The following CASK variants were observed in gnomAD, a reference collection of about 807,000 sequenced individuals.
CASK encodes calcium/calmodulin dependent serine protein kinase.
In CASK, 4 loss-of-function variants were observed where a neutral mutation model predicts 82.9. That is an observed-to-expected ratio of 0.05 (90% CI 0.02 to 0.11). The LOEUF is 0.11. CASK is among the 10% of genes least tolerant of loss of function. The pLI, the probability that CASK is intolerant of heterozygous loss-of-function variation, is 1.00. For missense variants in CASK, 358 were observed against 720.9 expected (o/e 0.50, Z 5.76); for synonymous variants, 259 against 253.5 (o/e 1.02, Z -0.20).
rs143478376 is a variant in CASK, at chrX:41,851,137, T to G, written c.172+1978A>C. 1.6e-3 allele frequency among the ~76,000 whole-genome samples: 182 copies of G among 112,007 alleles called. 1 individual carries two copies. Among genetic ancestry groups the G allele is most frequent in the African/African-American group, 5.6e-3 (174 of 30,879 alleles). On this transcript the variant is annotated intron_variant, in intron 2 of 26. Coordinates refer to ENST00000378163, the MANE Select transcript of CASK (RefSeq NM_001367721.1). The stretch of plus-strand genomic sequence containing the variant: ...AAATCAGATAAAGTCATGAGTAATA[T>G]CCCAAATCCAACTGGATGTCATTTA...
chrX:41,831,705 T>C (rs1055957431), intron 2 of CASK, among the ~76,000 whole-genome samples: 1 of 112,472 alleles, frequency 8.9e-6, no homozygotes, highest in Admixed American at 9.4e-5. Flanking sequence ...ATGCCTGTAA[T>C]CCCAGCACTT....
chrX:41,803,463 G>A (rs985381653), intron 2 of CASK, among the ~76,000 whole-genome samples: 3 of 110,623 alleles, frequency 2.7e-5, no homozygotes, highest in African/African-American at 6.6e-5. Context: ...GTGGTGGCAC[G>A]CTCTTGCAAT....
intron 15 of CASK, among the ~76,000 whole-genome samples, chrX:41,571,681 C>T (rs2065414859): frequency 9.0e-6 from 1 of 111,690 alleles, no homozygotes; most frequent in Non-Finnish European, 1.9e-5. Flanking sequence ...TTCTTCTCTT[C>T]TACTCATTTT....
At chrX:41,538,433 G>A (rs746184169) in intron 22 of CASK, among the ~76,000 whole-genome samples, 12 of 111,704 alleles carry the variant, frequency 1.1e-4, no homozygotes, top group African/African-American at 3.6e-4. Flanking sequence ...GATCTAAAAT[G>A]ACTTTTGGAA....
At chrX:41,850,728 G>T (rs1481942833) in intron 2 of CASK, among the ~76,000 whole-genome samples, 2 of 111,685 alleles carry the variant, frequency 1.8e-5, no homozygotes, top group Admixed American at 9.5e-5. Context: ...CTAACAATTT[G>T]TAAATGGACC....
intron 3 of CASK, among the ~76,000 whole-genome samples, chrX:41,775,078 A>G (rs2069326885): frequency 1.8e-5 from 2 of 108,502 alleles, no homozygotes; most frequent in Admixed American, 2.0e-4. Flanking sequence ...AAAAGAAACT[A>G]CCATCAGAGT....
At chrX:41,541,214 G>T (rs1261099016) in intron 22 of CASK, among the ~76,000 whole-genome samples, 1 of 112,136 alleles carries the variant, frequency 8.9e-6, no homozygotes, top group Non-Finnish European at 1.9e-5. Context: ...TGATACTGCT[G>T]TGCATTTCTA....
intron 22 of CASK, among the ~76,000 whole-genome samples, chrX:41,539,246 T>A (rs1407444049): frequency 8.9e-6 from 1 of 111,906 alleles, no homozygotes; most frequent in Non-Finnish European, 1.9e-5. Flanking sequence ...TAGAATTTCC[T>A]AACGACAAAA....
chrX:41,677,763 T>C (rs1045827775), intron 5 of CASK, among the ~76,000 whole-genome samples: 3 of 111,831 alleles, frequency 2.7e-5, no homozygotes, highest in African/African-American at 9.8e-5. Flanking sequence ...GTGGAGAAAA[T>C]AGATTAATAA....
At chrX:41,739,304 T>G in intron 5 of CASK, 80 bp downstream of exon 5, 1 of 660,079 alleles carries the variant, frequency 1.5e-6, no homozygotes, top group South Asian at 2.4e-5. Context: ...TATGACAATA[T>G]TAAAGAAGAA....
At chrX:41,821,477 A>C (rs2070540020) in intron 2 of CASK, among the ~76,000 whole-genome samples, 1 of 112,056 alleles carries the variant, frequency 8.9e-6, no homozygotes, top group South Asian at 3.8e-4. Context: ...TAATAACATA[A>C]AATAGTGCAA....
At chrX:41,642,790 A>G (rs996301639) in intron 8 of CASK, among the ~76,000 whole-genome samples, 15 of 111,559 alleles carry the variant, frequency 1.3e-4, no homozygotes, top group Non-Finnish European at 2.1e-4. Context: ...TGTTGCCATT[A>G]CTTTTGGTGT....
intron 21 of CASK, 55 bp downstream of exon 21, chrX:41,553,664 T>C (rs2065127235): frequency 3.3e-6 from 3 of 902,620 alleles, no homozygotes; most frequent in African/African-American, 2.0e-5. Flanking sequence ...GGAAAATGGA[T>C]GGTCAGGGCT....
intron 24 of CASK, among the ~76,000 whole-genome samples, chrX:41,534,424 CA>C (rs2064848080): frequency 9.1e-6 from 1 of 109,718 alleles, no homozygotes; most frequent in Non-Finnish European, 1.9e-5. Flanking sequence ...CACACACACA[CA>C]CACACACACT....
intron 1 of CASK, among the ~76,000 whole-genome samples, chrX:41,915,990 A>AACACACAC (rs200862362): frequency 1.9e-5 from 2 of 105,269 alleles, no homozygotes; most frequent in African/African-American, 7.0e-5. Context: ...TCCGTCTCAA[A>AACACACAC]ACACACACAC....
At chrX:41,565,695 C>A (rs755240531) in intron 16 of CASK, among the ~76,000 whole-genome samples, 1 of 111,806 alleles carries the variant, frequency 8.9e-6, no homozygotes, top group Admixed American at 9.5e-5. Flanking sequence ...GAAACTATTC[C>A]AATCAACAGA....
At chrX:41,524,349 A>G in intron 25 of CASK, 1 of 231,225 alleles carries the variant, frequency 4.3e-6, no homozygotes, top group Non-Finnish European at 7.7e-6. Context: ...CCTGGCTATT[A>G]GTTTTAGCCT....
intron 5 of CASK, among the ~76,000 whole-genome samples, chrX:41,735,042 A>T (rs937028351): frequency 2.7e-5 from 3 of 111,567 alleles, no homozygotes; most frequent in African/African-American, 9.8e-5. Context: ...GTAAAAAAGT[A>T]AAGAAAAAAG....
chrX:41,637,214 G>A (rs2066570453), intron 8 of CASK, among the ~76,000 whole-genome samples: 1 of 108,442 alleles, frequency 9.2e-6, no homozygotes, highest in Non-Finnish European at 1.9e-5. Flanking sequence ...CGGCCTCCCA[G>A]AGTGCTGGGA....
Sources: gnomAD v4.1 joint callset for allele counts (sites outside exome capture counted in the v4.1 genomes callset) on GRCh38, gnomAD v4.1.1 for gene constraint, MANE v1.5 for transcripts, NCBI Gene and HGNC (gene_info 2026-07-23, HGNC 2026-07-21) for gene names.